TCEA1: variants seen among roughly 807,000 people sequenced by gnomAD.
TCEA1 encodes the protein transcription elongation factor A1, also known as transcription elongation factor A protein 1.
Under a neutral mutation model 43.8 loss-of-function variants are expected in TCEA1, and 21 were observed. The observed-to-expected ratio is 0.48, with a 90% CI of 0.34 to 0.69. The LOEUF (loss-of-function observed/expected upper bound fraction) is 0.69, where lower values mean the gene tolerates loss of function less well. Ranked by LOEUF, TCEA1 falls within the 30% of genes least tolerant of loss-of-function variation. The pLI, the probability that TCEA1 is intolerant of heterozygous loss-of-function variation, is 0.01. For missense variants in TCEA1, 250 were observed against 365.1 expected (o/e 0.68, Z 2.57); for synonymous variants, 104 against 117.5 (o/e 0.88, Z 0.75).
intron 4 of TCEA1, chr8:53,993,457 C>T (rs887610761): frequency 2.4e-5 from 10 of 414,672 alleles, no homozygotes; most frequent in African/African-American, 1.7e-4. Flanking sequence ...ATATAAATAA[C>T]TTCTTATTTA....
chr8:53,994,564 C>G (rs959498516), intron 3 of TCEA1, among the ~76,000 whole-genome samples: 4 of 152,014 alleles, frequency 2.6e-5, no homozygotes, highest in African/African-American at 9.7e-5. Flanking sequence ...ACAGAGTGCA[C>G]AAGCTTTAAG....
intron 9 of TCEA1, among the ~76,000 whole-genome samples, chr8:53,968,839 A>C (rs1392145640): frequency 2.6e-5 from 4 of 152,162 alleles, no homozygotes; most frequent in Admixed American, 2.6e-4. Flanking sequence ...GAACAGGCCA[A>C]ATTTTCTCAA....
chr8:54,008,853 A>ATTTT (rs1214827346), intron 2 of TCEA1, among the ~76,000 whole-genome samples: 2 of 140,284 alleles, frequency 1.4e-5, no homozygotes, highest in East Asian at 2.1e-4. Context: ...TTATTTATTT[A>ATTTT]TTTTTTTTTT....
At chr8:53,997,164 T>TC (rs1395148058) in intron 3 of TCEA1, among the ~76,000 whole-genome samples, 1 of 152,076 alleles carries the variant, frequency 6.6e-6, no homozygotes, top group African/African-American at 2.4e-5. Context: ...TGCCTCAGCC[T>TC]CCCAAAGTGC....
intron 2 of TCEA1, among the ~76,000 whole-genome samples, chr8:54,007,345 G>A (rs1331477970): frequency 1.3e-5 from 2 of 152,060 alleles, no homozygotes; most frequent in East Asian, 1.9e-4. Context: ...TTGTGTGTGT[G>A]TATTTTTTTC....
In TCEA1 at chr8:54,000,921, G is replaced by A. The variant is rs139102579; in HGVS notation, c.127-871C>T. Among the ~76,000 whole-genome samples the A allele has an allele frequency of 6.3e-3, 952 of 152,064 alleles. 5 individuals are homozygous for A. Among genetic ancestry groups the A allele is most frequent in the Middle Eastern group, 0.01 (3 of 294 alleles). On this transcript the variant is annotated intron_variant, in intron 2 of 9. Transcript: ENST00000521604. ...ATTACAGGCACATGCCACCTCGCCCGGCTGATTTGTGTATTTTTAGTAGAG... is the reference window on the plus strand; with the variant it reads ...ATTACAGGCACATGCCACCTCGCCCAGCTGATTTGTGTATTTTTAGTAGAG...
At chr8:53,981,934 T>C (rs965779624) in intron 7 of TCEA1, among the ~76,000 whole-genome samples, 5 of 150,208 alleles carry the variant, frequency 3.3e-5, no homozygotes, top group African/African-American at 9.8e-5. Flanking sequence ...TTTCTTTTTT[T>C]TTTTTTTTTT....
intron 2 of TCEA1, among the ~76,000 whole-genome samples, chr8:54,002,543 T>G (rs1385469428): frequency 6.6e-6 from 1 of 150,996 alleles, no homozygotes; most frequent in African/African-American, 2.4e-5. Context: ...AAGTTTTTCT[T>G]TTTTCCTTTG....
At chr8:53,984,322 C>T (rs759405781) in intron 7 of TCEA1, 41 bp downstream of exon 7, 1 of 1,544,388 alleles carries the variant, frequency 6.5e-7, no homozygotes, top group Non-Finnish European at 8.7e-7. Context: ...CTTCACAACA[C>T]AGAATCACAT....
chr8:53,987,967 G>A (rs998264879), intron 5 of TCEA1, 147 bp downstream of exon 5: 11 of 915,996 alleles, frequency 1.2e-5, no homozygotes, highest in South Asian at 4.8e-5. Context: ...TAACAGACCC[G>A]TATCAGCAAC....
intron 1 of TCEA1, among the ~76,000 whole-genome samples, chr8:54,016,345 C>G (rs1804826073): frequency 6.6e-6 from 1 of 152,112 alleles, no homozygotes; most frequent in South Asian, 2.1e-4. Context: ...GTGCTGGGTG[C>G]CTGTAGCCCC....
chr8:53,981,623 A>ATGCAC (rs1384528667), intron 7 of TCEA1, among the ~76,000 whole-genome samples: 1 of 152,232 alleles, frequency 6.6e-6, no homozygotes, highest in East Asian at 1.9e-4. Context: ...CTCATTGACA[A>ATGCAC]TGCACTTAGT....
chr8:53,991,005 G>T (rs1803857340), intron 4 of TCEA1, among the ~76,000 whole-genome samples: 1 of 152,052 alleles, frequency 6.6e-6, no homozygotes, highest in Admixed American at 6.6e-5. Flanking sequence ...GGTGTAGATA[G>T]ATACCAATCA....
intron 2 of TCEA1, among the ~76,000 whole-genome samples, chr8:54,002,644 A>C (rs1804309070): frequency 6.6e-6 from 1 of 152,034 alleles, no homozygotes. Flanking sequence ...AGTTGACTCT[A>C]TGAATTCCCT....
chr8:53,998,201 G>A (rs564982858), intron 3 of TCEA1, among the ~76,000 whole-genome samples: 4 of 152,206 alleles, frequency 2.6e-5, no homozygotes, highest in South Asian at 2.1e-4. Context: ...ATACACTAGC[G>A]CCAGTAAAAA....
intron 5 of TCEA1, 43 bp from the exon 6 acceptor site, chr8:53,987,068 T>A: frequency 6.7e-7 from 1 of 1,492,230 alleles, no homozygotes; most frequent in Non-Finnish European, 9.1e-7. Flanking sequence ...TGTAACAGAT[T>A]AAAAGAAAAT....
rs933269936 is a variant in TCEA1 at position 53,999,910 on chromosome 8, C to T, written c.232+35G>A. 1.5e-5 allele frequency: 20 copies of T among 1,322,854 alleles called. No individual in the cohort carries two copies. In the Admixed American group the frequency reaches 2.7e-4, roughly 18 times the overall value. The allele number at this position is 1,322,854 out of a possible 1,614,324, so 81.9% of individuals were successfully genotyped here. ...CATTAACTATTTGAATAAATCACAA[C>T]ATCATAAATATATGTAAGGGAAGAT... On this transcript the variant is annotated intron_variant, in intron 3 of 9. Coordinates refer to ENST00000521604, the MANE Select transcript of TCEA1 (RefSeq NM_006756.4).
At position 54,022,395 on chromosome 8, in the gene TCEA1, C is replaced by T. The variant is rs1805086809; in HGVS notation, c.-270G>A. ...CTGCAGATCGCTGGTGAGGGGCGAG[C>T]CCATGTTCCCGCCAGGCGGGCGTCG... is the stretch of plus-strand genomic sequence containing the variant. On this transcript the variant is annotated 5_prime_UTR_variant, in exon 1 of 10. Coordinates refer to ENST00000521604, the MANE Select transcript of TCEA1 (RefSeq NM_006756.4). 2.0e-6 allele frequency: 1 copy of T among 505,236 alleles called. No homozygotes were observed. Among genetic ancestry groups the T allele is most frequent in the African/African-American group, 2.1e-5 (1 of 48,750 alleles). The allele number at this position is 505,236 out of a possible 1,614,324, so 31.3% of individuals were successfully genotyped here. A position where few individuals can be genotyped will look rare whatever the true frequency, so the allele number is the denominator to read the frequency against.
intron 2 of TCEA1, among the ~76,000 whole-genome samples, chr8:54,007,462 C>T (rs981140095): frequency 3.4e-4 from 51 of 151,818 alleles, no homozygotes; most frequent in African/African-American, 1.2e-3. Context: ...ATTACAGGCA[C>T]GAGCCACTGT....
Sources: allele counts gnomAD v4.1 joint callset (sites outside exome capture counted in the v4.1 genomes callset), GRCh38; gene constraint gnomAD v4.1.1; transcripts MANE v1.5; gene names NCBI Gene and HGNC (gene_info 2026-07-23, HGNC 2026-07-21).